C2orf42: variants seen among roughly 807,000 people sequenced by gnomAD.
The protein encoded by C2orf42 is chromosome 2 open reading frame 42.
In C2orf42, 44 loss-of-function variants were observed where a neutral mutation model predicts 58.9. The observed-to-expected ratio is 0.75, with a 90% confidence interval of 0.59 to 0.96. The LOEUF is 0.96. Ranked by LOEUF, C2orf42 falls within the 40% of genes least tolerant of loss-of-function variation. The probability of loss-of-function intolerance (pLI) is 0.00; values close to 1 mark genes in which losing one functional copy is unlikely to be tolerated. For synonymous variants in C2orf42, 239 were observed against 265.4 expected, an observed-to-expected ratio of 0.90 and a Z score of 0.97; for missense variants, 630 against 699.2, an observed-to-expected ratio of 0.90 and a Z score of 1.12.
chr2:70,169,489 A>T, intron 6 of C2orf42, 68 bp downstream of exon 6: 1 of 777,892 alleles, frequency 1.3e-6, no homozygotes, highest in Non-Finnish European at 2.2e-6. Context: ...ATCAGAGGAG[A>T]ATTACAGCAC....
At chr2:70,172,630 GCCA>G in intron 5 of C2orf42, among the ~76,000 whole-genome samples, 1 of 152,262 alleles carries the variant, frequency 6.6e-6, no homozygotes, top group South Asian at 2.1e-4. Context: ...CTGTATCCCC[GCCA>G]CTGCGCTCCA....
At chr2:70,169,707 C>G (rs1449842927) in intron 5 of C2orf42, 46 bp from the exon 6 acceptor site, 18 of 873,728 alleles carry the variant, frequency 2.1e-5, no homozygotes, top group Non-Finnish European at 3.2e-5. Context: ...AGTAACTTTT[C>G]TTACAAAATA....
chr2:70,189,877 T>C (rs1054743276), intron 1 of C2orf42, among the ~76,000 whole-genome samples: 45 of 150,040 alleles, frequency 3.0e-4, no homozygotes, highest in Non-Finnish European at 1.0e-4. Context: ...AAAAAAAAGA[T>C]ACACTGTGGA....
At chr2:70,156,497 GA>G (rs933252690) in intron 9 of C2orf42, among the ~76,000 whole-genome samples, 1 of 151,266 alleles carries the variant, frequency 6.6e-6, no homozygotes, top group African/African-American at 2.4e-5. Context: ...CCCTGTCTCT[GA>G]AAAAAGATTC....
chr2:70,163,093 C>G (rs765552000), intron 8 of C2orf42, among the ~76,000 whole-genome samples: 2 of 151,848 alleles, frequency 1.3e-5, no homozygotes, highest in Non-Finnish European at 2.9e-5. Context: ...GTCTCAAACT[C>G]CTGACCTCAG....
chr2:70,175,584 T>G, intron 5 of C2orf42, 89 bp downstream of exon 5: 2 of 809,940 alleles, frequency 2.5e-6, no homozygotes, highest in Non-Finnish European at 4.4e-6. Context: ...TGGGACTCTT[T>G]GGGTGACAAT....
At chr2:70,164,515 C>A (rs1477537549) in intron 8 of C2orf42, among the ~76,000 whole-genome samples, 1 of 151,858 alleles carries the variant, frequency 6.6e-6, no homozygotes, top group African/African-American at 2.4e-5. Flanking sequence ...GCCTGTAATC[C>A]CAGCTAGCCG....
intron 8 of C2orf42, among the ~76,000 whole-genome samples, chr2:70,162,530 G>C (rs771736324): frequency 1.3e-5 from 2 of 151,728 alleles, no homozygotes; most frequent in Non-Finnish European, 2.9e-5. Context: ...TGTAATCCCA[G>C]CTACTCGGGA....
chr2:70,170,257 T>C (rs1041853385), intron 5 of C2orf42, among the ~76,000 whole-genome samples: 2 of 148,354 alleles, frequency 1.3e-5, no homozygotes, highest in Non-Finnish European at 1.5e-5. Flanking sequence ...TTCTGGGATT[T>C]TTTTTTTTTT....
At chr2:70,164,134 A>C (rs1673241156) in intron 8 of C2orf42, among the ~76,000 whole-genome samples, 1 of 151,596 alleles carries the variant, frequency 6.6e-6, no homozygotes, top group African/African-American at 2.4e-5. Flanking sequence ...CAACATGGGG[A>C]AACCCCATCT....
intron 6 of C2orf42, among the ~76,000 whole-genome samples, chr2:70,166,761 T>C (rs1458147520): frequency 6.6e-6 from 1 of 151,850 alleles, no homozygotes; most frequent in East Asian, 1.9e-4. Flanking sequence ...ATCCGCAAAT[T>C]TTAAAAAGAC....
chr2:70,156,715 A>G (rs1672699939), intron 9 of C2orf42, among the ~76,000 whole-genome samples: 1 of 152,028 alleles, frequency 6.6e-6, no homozygotes, highest in African/African-American at 2.4e-5. Context: ...AAAAGAAATT[A>G]GCTGGGAATG....
chr2:70,180,812 G>A (rs1291687983), intron 3 of C2orf42, among the ~76,000 whole-genome samples: 5 of 150,128 alleles, frequency 3.3e-5, no homozygotes, highest in East Asian at 2.0e-4. Context: ...GACCAGCCTC[G>A]GCAACAAAGT....
rs181152241 is a variant in C2orf42 at position 70,165,652 on chromosome 2, G to A, written c.1145-17C>T. 1.3e-4 allele frequency: 175 copies of A among 1,384,072 alleles called. 1 individual carries two copies. The East Asian group carries it at 3.8e-3, about 30-fold the overall frequency. The allele number at this position is 1,384,072 out of a possible 1,614,324, so 85.7% of individuals were successfully genotyped here. ...CTGGTTTGCCTATGGGAAACAAGAA[G>A]AAACAACTCATTTAAAGAAACTCAG... On this transcript the variant is annotated splice_polypyrimidine_tract_variant and intron_variant, in intron 6 of 9. Coordinates refer to ENST00000264434, the MANE Select transcript of C2orf42 (RefSeq NM_017880.3).
chr2:70,176,615 G>C (rs1674211539), intron 4 of C2orf42, among the ~76,000 whole-genome samples: 1 of 152,068 alleles, frequency 6.6e-6, no homozygotes, highest in Non-Finnish European at 1.5e-5. Context: ...ATTATCACTT[G>C]TTTTTAATTT....
chr2:70,171,123 A>G (rs1673786795), intron 5 of C2orf42, among the ~76,000 whole-genome samples: 1 of 151,572 alleles, frequency 6.6e-6, no homozygotes, highest in South Asian at 2.1e-4. Flanking sequence ...TCAAAAAAAA[A>G]AAATTAACCT....
intron 1 of C2orf42, among the ~76,000 whole-genome samples, chr2:70,189,277 A>G (rs1675161814): frequency 1.3e-5 from 2 of 151,468 alleles, no homozygotes; most frequent in Non-Finnish European, 2.9e-5. Flanking sequence ...GTGGTGACGT[A>G]TGCCTGTAAT....
In C2orf42 at chr2:70,180,027, C is replaced by G. The variant is rs371419290; in HGVS notation, c.824-385G>C. ...GTTCCTTGGGCCGGGTGCGGTGGCT[C>G]ACGTCTGTAATCCCAGCACTCTGGG... On this transcript the variant is annotated intron_variant, in intron 3 of 9. Coordinates refer to ENST00000264434, the MANE Select transcript of C2orf42 (RefSeq NM_017880.3). Among the ~76,000 whole-genome samples, 3 of 152,270 alleles carry G rather than the reference C, an allele frequency of 2.0e-5. No individual in the cohort carries two copies. The East Asian group carries it at 5.8e-4, about 29-fold the overall frequency.
At chr2:70,160,102 T>C (rs909619035) in intron 9 of C2orf42, among the ~76,000 whole-genome samples, 5 of 151,734 alleles carry the variant, frequency 3.3e-5, no homozygotes, top group African/African-American at 1.2e-4. Context: ...GTTAAAACTA[T>C]GGCTGGCATG....
Sources: allele counts gnomAD v4.1 joint callset (sites outside exome capture counted in the v4.1 genomes callset), GRCh38; gene constraint gnomAD v4.1.1; transcripts MANE v1.5; gene names NCBI Gene and HGNC (gene_info 2026-07-23, HGNC 2026-07-21).